SLIT1: variants seen among roughly 807,000 people sequenced by gnomAD.
SLIT1 encodes slit guidance ligand 1.
In SLIT1, 66 loss-of-function variants were observed where a neutral mutation model predicts 186.1. The observed-to-expected ratio is 0.35, with a 90% confidence interval of 0.29 to 0.44. The LOEUF is 0.44. Among genes scored for constraint, SLIT1 ranks in the 20% least tolerant of loss-of-function variants. The pLI is 1.00. For missense variants in SLIT1, 1,638 were observed against 2,037.4 expected (o/e 0.80, Z 3.77); for synonymous variants, 761 against 833.8 (o/e 0.91, Z 1.50).
intron 9 of SLIT1, among the ~76,000 whole-genome samples, chr10:97,060,378 C>T (rs1431347410): frequency 1.3e-5 from 2 of 152,224 alleles, no homozygotes; most frequent in South Asian, 2.1e-4. Flanking sequence ...GAAAGGGGCC[C>T]ACAAATGATG....
At chr10:97,036,290 A>T (rs891198643) in intron 22 of SLIT1, among the ~76,000 whole-genome samples, 1 of 152,174 alleles carries the variant, frequency 6.6e-6, no homozygotes, top group Non-Finnish European at 1.5e-5. Context: ...GTGGTACTTC[A>T]GCCCCCAAGA....
intron 4 of SLIT1, among the ~76,000 whole-genome samples, chr10:97,120,464 T>C (rs569340199): frequency 6.6e-6 from 1 of 152,298 alleles, no homozygotes; most frequent in East Asian, 1.9e-4. Context: ...ATTTCACAGT[T>C]AAAGAAACAA....
intron 4 of SLIT1, among the ~76,000 whole-genome samples, chr10:97,156,386 T>C (rs184562584): frequency 2.6e-5 from 4 of 152,262 alleles, no homozygotes; most frequent in African/African-American, 7.2e-5. Flanking sequence ...GAAACCAGCC[T>C]GGGCAACATG....
intron 22 of SLIT1, among the ~76,000 whole-genome samples, chr10:97,035,522 G>A (rs940360142): frequency 9.2e-5 from 14 of 152,132 alleles, no homozygotes; most frequent in Non-Finnish European, 1.5e-4. Flanking sequence ...GTCACCTCTC[G>A]CACCGTGCCC....
At chr10:97,127,248 T>C (rs1443795038) in intron 4 of SLIT1, among the ~76,000 whole-genome samples, 5 of 151,466 alleles carry the variant, frequency 3.3e-5, no homozygotes, top group African/African-American at 4.9e-5. Context: ...ATCACGCCAT[T>C]GCACTCCAGC....
chr10:97,074,175 C>T (rs528569072), intron 4 of SLIT1, among the ~76,000 whole-genome samples: 1 of 152,298 alleles, frequency 6.6e-6, no homozygotes, highest in Admixed American at 6.5e-5. Context: ...CCTCTCCAGA[C>T]CATAACCTCC....
intron 4 of SLIT1, among the ~76,000 whole-genome samples, chr10:97,098,590 C>A (rs1218754981): frequency 6.6e-6 from 1 of 152,218 alleles, no homozygotes; most frequent in African/African-American, 2.4e-5. Context: ...GGTGCCTGGG[C>A]TGGGCAGGTG....
intron 4 of SLIT1, among the ~76,000 whole-genome samples, chr10:97,114,053 G>C (rs910685860): frequency 7.2e-5 from 11 of 152,126 alleles, no homozygotes; most frequent in Non-Finnish European, 4.4e-5. Context: ...GGATACTCAG[G>C]GACTGTCCTA....
intron 13 of SLIT1, among the ~76,000 whole-genome samples, chr10:97,049,831 G>A (rs1320195781): frequency 6.6e-6 from 1 of 152,274 alleles, no homozygotes; most frequent in Non-Finnish European, 1.5e-5. Context: ...CTCCCAGGCT[G>A]CCTGTGTTGT....
intron 32 of SLIT1, among the ~76,000 whole-genome samples, 192 bp from the exon 33 acceptor site, chr10:97,005,015 G>A (rs1253162801): frequency 6.6e-6 from 1 of 152,200 alleles, no homozygotes; most frequent in African/African-American, 2.4e-5. Flanking sequence ...TCTGGTTCAA[G>A]CCCCATCCAC....
At chr10:97,008,949 G>A (rs1230041401) in intron 31 of SLIT1, among the ~76,000 whole-genome samples, 2 of 151,334 alleles carry the variant, frequency 1.3e-5, no homozygotes, top group East Asian at 1.9e-4. Context: ...GCACGATCTC[G>A]GCTCACTGCA....
intron 4 of SLIT1, among the ~76,000 whole-genome samples, chr10:97,094,394 C>A (rs1849264636): frequency 6.6e-6 from 1 of 152,184 alleles, no homozygotes; most frequent in African/African-American, 2.4e-5. Context: ...CAGTGCACAT[C>A]CTGAGCAACT....
chr10:97,178,773 A>AGT (rs1850290328), intron 1 of SLIT1, among the ~76,000 whole-genome samples: 1 of 119,752 alleles, frequency 8.4e-6, no homozygotes. Flanking sequence ...TGCGATAGAG[A>AGT]GAAGAGAGAG....
intron 4 of SLIT1, chr10:97,157,600 G>A: frequency 1.8e-6 from 1 of 563,602 alleles, no homozygotes; most frequent in Non-Finnish European, 3.2e-6. Context: ...TGGATGAACT[G>A]CGGGTTCTTC....
chr10:97,176,376 T>C (rs1372239213), intron 1 of SLIT1, among the ~76,000 whole-genome samples: 1 of 152,076 alleles, frequency 6.6e-6, no homozygotes, highest in East Asian at 1.9e-4. Flanking sequence ...TCTGTCCTTC[T>C]CTGGCCCATT....
At chr10:97,113,618 T>C (rs1211652881) in intron 4 of SLIT1, among the ~76,000 whole-genome samples, 4 of 151,562 alleles carry the variant, frequency 2.6e-5, no homozygotes, top group African/African-American at 7.3e-5. Context: ...AATGGTGCGA[T>C]CTTAGCTCAC....
Position 97,043,595 on chromosome 10 carries a change from T to A in SLIT1, c.1854-82A>T. On this transcript the variant is annotated intron_variant, in intron 18 of 36. Coordinates refer to ENST00000266058, the MANE Select transcript of SLIT1 (RefSeq NM_003061.3). The surrounding 1 kb of genome is among the most constrained non-coding windows in gnomAD (Gnocchi z 7.0). ...CTGGGCCACGCAGCTTCCGCCATCGTGGCTCGTTCACAGTTCTCCTCCATA... is the reference window on the plus strand; with the variant it reads ...CTGGGCCACGCAGCTTCCGCCATCGAGGCTCGTTCACAGTTCTCCTCCATA... The A allele has an allele frequency of 1.5e-6, 2 of 1,347,092 alleles. No individual in the cohort carries two copies. The highest frequency in any genetic ancestry group is 1.0e-6 in the Non-Finnish European group (1 of 961,848). 83.4% of individuals were successfully genotyped at this position (1,347,092 alleles called of 1,614,324 possible).
chr10:97,028,698 A>G (rs1366396080), intron 25 of SLIT1, among the ~76,000 whole-genome samples: 1 of 152,200 alleles, frequency 6.6e-6, no homozygotes, highest in African/African-American at 2.4e-5. Context: ...TCTTTATAAG[A>G]TCCCAAATGG....
At chr10:97,087,994 A>ATTCT (rs1849184828) in intron 4 of SLIT1, among the ~76,000 whole-genome samples, 1 of 152,074 alleles carries the variant, frequency 6.6e-6, no homozygotes. Flanking sequence ...ATCTGCCTTT[A>ATTCT]ATAAGGCGAT....
Sources: allele counts gnomAD v4.1 joint callset (sites outside exome capture counted in the v4.1 genomes callset), GRCh38; gene constraint gnomAD v4.1.1; non-coding constraint Gnocchi (gnomAD v3.1); transcripts MANE v1.5; gene names NCBI Gene and HGNC (gene_info 2026-07-23, HGNC 2026-07-21).